Variants in SLC39A11 observed in about 807,000 individuals in gnomAD.
SLC39A11 encodes the protein solute carrier family 39 member 11, also known as zinc transporter ZIP11.
SLC39A11 carries 33 observed loss-of-function variants against 36.1 expected under a neutral mutation model. That is an observed-to-expected ratio of 0.91 (90% confidence interval 0.69 to 1.22). The LOEUF is 1.22. SLC39A11 is among the 50% of genes most tolerant of loss of function. The pLI is 0.00. For missense variants in SLC39A11, 432 were observed against 430.3 expected, an observed-to-expected ratio of 1.00 and a Z score of -0.03; for synonymous variants, 166 against 170.3, an observed-to-expected ratio of 0.97 and a Z score of 0.20.
At chr17:72,993,321 AT>A (rs2089302823) in intron 4 of SLC39A11, among the ~76,000 whole-genome samples, 1 of 152,230 alleles carries the variant, frequency 6.6e-6, no homozygotes, top group South Asian at 2.1e-4. Context: ...TATGTAAATT[AT>A]ACCTCAATAC....
chr17:72,874,959 A>C lies in SLC39A11; in HGVS notation c.431-25155T>G, dbSNP rs375055968. Among the ~76,000 whole-genome samples, 16 of 152,318 alleles carry C rather than the reference A, an allele frequency of 1.1e-4. No individual in the cohort carries two copies. In the East Asian group the frequency reaches 1.9e-3, roughly 18 times the overall value. ...CCCAAATGAAGCTAAAGAATATTAC[A>C]GTGGCTGCAGGTTGAATAAACTGGG... On this transcript the variant is annotated intron_variant, in intron 5 of 9. Transcript: ENST00000255559.
At chr17:72,927,836 TAC>T (rs535373763) in intron 5 of SLC39A11, among the ~76,000 whole-genome samples, 7 of 150,214 alleles carry the variant, frequency 4.7e-5, no homozygotes, top group Admixed American at 1.3e-4. Flanking sequence ...ACACACACAC[TAC>T]ACACACACAC....
intron 7 of SLC39A11, among the ~76,000 whole-genome samples, chr17:72,664,495 T>C (rs1298969148): frequency 2.6e-5 from 4 of 152,190 alleles, no homozygotes. Flanking sequence ...GGCGGGGATC[T>C]ACCTTTAGAT....
intron 7 of SLC39A11, among the ~76,000 whole-genome samples, chr17:72,677,075 A>G (rs935221098): frequency 6.6e-6 from 1 of 152,144 alleles, no homozygotes; most frequent in East Asian, 1.9e-4. Context: ...AAAATCACCA[A>G]ACCTGGGTGC....
intron 6 of SLC39A11, among the ~76,000 whole-genome samples, chr17:72,766,852 T>C (rs930684597): frequency 6.6e-6 from 1 of 152,160 alleles, no homozygotes; most frequent in African/African-American, 2.4e-5. Context: ...GGCATGACCA[T>C]AAACCACAAA....
chr17:72,782,478 C>T (rs371804970), intron 6 of SLC39A11, among the ~76,000 whole-genome samples: 6 of 152,048 alleles, frequency 3.9e-5, no homozygotes, highest in East Asian at 3.8e-4. Context: ...GGGACAGACT[C>T]TGAAGTTTGA....
At chr17:73,067,563 A>G (rs539605600) in intron 3 of SLC39A11, among the ~76,000 whole-genome samples, 1 of 152,066 alleles carries the variant, frequency 6.6e-6, no homozygotes, top group African/African-American at 2.4e-5. Flanking sequence ...ACTGGCAATG[A>G]AGACGCTTAT....
At chr17:72,900,736 T>C (rs72847965) in intron 5 of SLC39A11, among the ~76,000 whole-genome samples, 6,668 of 152,254 alleles carry the variant, frequency 0.044, 174 homozygotes, top group Non-Finnish European at 0.062. Flanking sequence ...TTCAACAGCA[T>C]CTGCAGTTAT....
At chr17:72,922,307 A>C (rs1007969815) in intron 5 of SLC39A11, among the ~76,000 whole-genome samples, 2 of 152,234 alleles carry the variant, frequency 1.3e-5, no homozygotes, top group African/African-American at 4.8e-5. Flanking sequence ...CACCTACTTT[A>C]TAGCTCCCTC....
chr17:72,908,765 G>T, intron 5 of SLC39A11, among the ~76,000 whole-genome samples: 1 of 152,182 alleles, frequency 6.6e-6, no homozygotes, highest in South Asian at 2.1e-4. Context: ...ACCCCAAACT[G>T]CCAGGGTGGC....
intron 8 of SLC39A11, 48 bp downstream of exon 8, chr17:72,649,122 C>T (rs2069725268): frequency 6.3e-7 from 1 of 1,583,338 alleles, no homozygotes; most frequent in African/African-American, 1.4e-5. Flanking sequence ...TGAAAGAAGC[C>T]CACATGGAGG....
chr17:72,684,356 G>A (rs747079851), intron 7 of SLC39A11, among the ~76,000 whole-genome samples: 9 of 152,186 alleles, frequency 5.9e-5, no homozygotes, highest in Non-Finnish European at 7.4e-5. Context: ...CAATTTACAA[G>A]GTAAGTAACA....
chr17:72,770,510 C>T (rs545587673), intron 6 of SLC39A11, among the ~76,000 whole-genome samples: 8 of 152,322 alleles, frequency 5.3e-5, no homozygotes, highest in Non-Finnish European at 7.3e-5. Flanking sequence ...TGATTGGCGG[C>T]TCTTCTTCCC....
At chr17:72,839,176 C>G (rs1386147431) in intron 6 of SLC39A11, 1 of 152,084 alleles carries the variant, frequency 6.6e-6, no homozygotes, top group Non-Finnish European at 1.5e-5. Flanking sequence ...CAGGCTTAGA[C>G]TTATAAAGGA....
intron 4 of SLC39A11, among the ~76,000 whole-genome samples, chr17:73,023,731 C>T (rs751695685): frequency 9.2e-5 from 14 of 152,172 alleles, no homozygotes; most frequent in East Asian, 5.8e-4. Flanking sequence ...CTGCGTGATC[C>T]GCCCACCTTG....
At chr17:72,683,431 G>A (rs1033634918) in intron 7 of SLC39A11, among the ~76,000 whole-genome samples, 1 of 150,414 alleles carries the variant, frequency 6.6e-6, no homozygotes, top group Admixed American at 6.7e-5. Context: ...AACCTCTCGT[G>A]CTCAAGGGAT....
chr17:72,825,682 G>A (rs1238805828), intron 6 of SLC39A11, among the ~76,000 whole-genome samples: 1 of 152,364 alleles, frequency 6.6e-6, no homozygotes, highest in Non-Finnish European at 1.5e-5. Flanking sequence ...GATGTCCAAG[G>A]CCCTGGGATT....
intron 5 of SLC39A11, among the ~76,000 whole-genome samples, chr17:72,891,694 A>G (rs897776403): frequency 1.3e-5 from 2 of 152,070 alleles, no homozygotes; most frequent in Non-Finnish European, 2.9e-5. Flanking sequence ...ATTATTACAC[A>G]TATAGATATA....
In SLC39A11 at chr17:72,855,884, G is replaced by A. The variant is rs149808116; in HGVS notation, c.431-6080C>T. Among the ~76,000 whole-genome samples, 39 of 150,278 alleles carry A rather than the reference G, an allele frequency of 2.6e-4. No homozygotes were observed. In the East Asian group the frequency reaches 3.1e-3, roughly 12 times the overall value. ...TGCACTCCAGCCTGGGCGACAAAGCGAGAATCCGTCTCAAAAAAAAAAAAA... is the reference window on the plus strand; with the variant it reads ...TGCACTCCAGCCTGGGCGACAAAGCAAGAATCCGTCTCAAAAAAAAAAAAA... On this transcript the variant is annotated intron_variant, in intron 5 of 9. Transcript: ENST00000255559.
Sources: allele counts gnomAD v4.1 joint callset (sites outside exome capture counted in the v4.1 genomes callset), GRCh38; gene constraint gnomAD v4.1.1; transcripts MANE v1.5; gene names NCBI Gene and HGNC (gene_info 2026-07-23, HGNC 2026-07-21).